PTPRM: variants seen among roughly 807,000 people sequenced by gnomAD.
The protein encoded by PTPRM is receptor-type tyrosine-protein phosphatase mu.
Under a neutral mutation model 186.7 loss-of-function variants are expected in PTPRM, and 47 were observed. That is an observed-to-expected ratio of 0.25 (90% CI 0.20 to 0.32). PTPRM has a LOEUF of 0.32. Ranked by LOEUF, PTPRM falls within the 10% of genes least tolerant of loss-of-function variation. The pLI, the probability that PTPRM is intolerant of heterozygous loss-of-function variation, is 1.00. For synonymous variants in PTPRM, 668 were observed against 674.9 expected, an observed-to-expected ratio of 0.99 and a Z score of 0.16; for missense variants, 1,494 against 1,865.0, an observed-to-expected ratio of 0.80 and a Z score of 3.66.
intron 15 of PTPRM, among the ~76,000 whole-genome samples, chr18:8,244,476 T>C (rs1486420471): frequency 6.6e-6 from 1 of 152,136 alleles, no homozygotes; most frequent in Non-Finnish European, 1.5e-5. Flanking sequence ...GCTTTCCTTC[T>C]TTTGAGGAAG....
Position 8,242,989 on chromosome 18 carries a change from G to A in PTPRM, c.2301-1069G>A, listed in dbSNP as rs142393753. Among the ~76,000 whole-genome samples the A allele has an allele frequency of 3.6e-3, 552 of 152,314 alleles. 3 individuals carry two copies. Among genetic ancestry groups the A allele is most frequent in the African/African-American group, 0.013 (525 of 41,572 alleles). The stretch of plus-strand genomic sequence containing the variant: ...AATATTTTAGGGCATAGTATATTTG[G>A]TATTATCGTGCTGTGGGTGTTCTTA... On this transcript the variant is annotated intron_variant, in intron 14 of 32. Transcript: ENST00000580170.
chr18:7,903,366 C>T (rs1026919951), intron 3 of PTPRM, among the ~76,000 whole-genome samples: 5 of 152,240 alleles, frequency 3.3e-5, no homozygotes, highest in Admixed American at 1.3e-4. Flanking sequence ...AGCCACCCCT[C>T]AGCTGTCCCT....
intron 14 of PTPRM, among the ~76,000 whole-genome samples, chr18:8,194,533 G>A (rs1046495290): frequency 6.6e-6 from 1 of 152,198 alleles, no homozygotes; most frequent in Non-Finnish European, 1.5e-5. Context: ...AAACAGGCAG[G>A]CCCCTTTATG....
chr18:7,842,780 C>T (rs1432400004), intron 2 of PTPRM, among the ~76,000 whole-genome samples: 1 of 150,802 alleles, frequency 6.6e-6, no homozygotes, highest in African/African-American at 2.4e-5. Context: ...ATCTCTCTCT[C>T]TGGCTTTCTG....
chr18:8,295,949 C>T lies in PTPRM; in HGVS notation c.2755-419C>T, dbSNP rs2095092604. Among the ~76,000 whole-genome samples, 4 of 152,126 alleles carry T rather than the reference C, an allele frequency of 2.6e-5. No individual in the cohort carries two copies. In the South Asian group the frequency reaches 8.3e-4, roughly 31 times the overall value. ...ACTCTCATGTTTTAACCAAAGATAACCTTTCTTCAATTAGCAATTAGGGAG... is the reference window on the plus strand; with the variant it reads ...ACTCTCATGTTTTAACCAAAGATAATCTTTCTTCAATTAGCAATTAGGGAG... On this transcript the variant is annotated intron_variant, in intron 19 of 32. Coordinates refer to ENST00000580170, the MANE Select transcript of PTPRM (RefSeq NM_001105244.2).
At chr18:8,177,461 T>G (rs547918035) in intron 14 of PTPRM, among the ~76,000 whole-genome samples, 2 of 152,250 alleles carry the variant, frequency 1.3e-5, no homozygotes, top group African/African-American at 4.8e-5. Flanking sequence ...GCTGGGCTGG[T>G]TACAGCAGTG....
intron 5 of PTPRM, among the ~76,000 whole-genome samples, chr18:7,928,091 G>A (rs1214083956): frequency 6.6e-6 from 1 of 152,108 alleles, no homozygotes; most frequent in African/African-American, 2.4e-5. Context: ...AGACATTTGA[G>A]TGTATGTCCC....
At chr18:8,038,570 T>TG (rs2086490947) in intron 7 of PTPRM, among the ~76,000 whole-genome samples, 1 of 152,144 alleles carries the variant, frequency 6.6e-6, no homozygotes, top group Non-Finnish European at 1.5e-5. Flanking sequence ...TTTTGTATTT[T>TG]TAGTAGAGAC....
intron 14 of PTPRM, among the ~76,000 whole-genome samples, chr18:8,177,494 T>C (rs1249704367): frequency 6.6e-6 from 1 of 152,232 alleles, no homozygotes; most frequent in African/African-American, 2.4e-5. Flanking sequence ...GAAAGTGATC[T>C]GATTAGTTGG....
chr18:7,753,300 G>A (rs1290225097), intron 1 of PTPRM, among the ~76,000 whole-genome samples: 1 of 151,952 alleles, frequency 6.6e-6, no homozygotes, highest in African/African-American at 2.4e-5. Flanking sequence ...TTGACTGAAA[G>A]TAAAGTCAGA....
At chr18:8,123,269 G>GC (rs892403766) in intron 13 of PTPRM, among the ~76,000 whole-genome samples, 56 of 152,296 alleles carry the variant, frequency 3.7e-4, no homozygotes, top group African/African-American at 1.3e-3. Context: ...CAAGTAAGAA[G>GC]CAGAAACTAC....
intron 7 of PTPRM, among the ~76,000 whole-genome samples, chr18:7,995,168 A>G (rs2083468510): frequency 6.6e-6 from 1 of 152,150 alleles, no homozygotes; most frequent in African/African-American, 2.4e-5. Flanking sequence ...AGAGACTATT[A>G]GGAACAACTA....
intron 7 of PTPRM, among the ~76,000 whole-genome samples, chr18:8,036,158 G>A (rs1317289206): frequency 1.3e-5 from 2 of 152,178 alleles, no homozygotes; most frequent in Non-Finnish European, 2.9e-5. Flanking sequence ...CTCCTCACAT[G>A]GCGTCGGGGT....
chr18:8,149,032 C>T (rs2092946009), intron 14 of PTPRM, among the ~76,000 whole-genome samples: 2 of 152,174 alleles, frequency 1.3e-5, no homozygotes, highest in South Asian at 4.2e-4. Context: ...GTTATGATTT[C>T]CTTTCTTTTG....
chr18:7,980,379 CT>C (rs201901992), intron 7 of PTPRM, among the ~76,000 whole-genome samples: 4 of 151,480 alleles, frequency 2.6e-5, no homozygotes, highest in Admixed American at 6.6e-5. Context: ...AGCCAGATAT[CT>C]TTTTTTTTAT....
chr18:8,068,694 T>C (rs1370372561), intron 7 of PTPRM, among the ~76,000 whole-genome samples: 1 of 152,250 alleles, frequency 6.6e-6, no homozygotes, highest in Non-Finnish European at 1.5e-5. Flanking sequence ...CAGAAGTTTA[T>C]GTTCTCTTAC....
At chr18:7,950,025 T>C (rs1257640260) in intron 6 of PTPRM, among the ~76,000 whole-genome samples, 5 of 152,168 alleles carry the variant, frequency 3.3e-5, no homozygotes, top group African/African-American at 7.2e-5. Flanking sequence ...AGGTGTACCA[T>C]GAGGCATTTT....
chr18:7,856,265 A>C (rs978373614), intron 2 of PTPRM, among the ~76,000 whole-genome samples: 2 of 152,306 alleles, frequency 1.3e-5, no homozygotes, highest in African/African-American at 4.8e-5. Context: ...TTGATTGCAA[A>C]GATTTATAAA....
chr18:8,208,571 G>A (rs2093960479), intron 14 of PTPRM, among the ~76,000 whole-genome samples: 1 of 151,896 alleles, frequency 6.6e-6, no homozygotes, highest in Non-Finnish European at 1.5e-5. Context: ...AAGTGCAGTG[G>A]CACCATCATA....
Sources: gnomAD v4.1 joint callset for allele counts (sites outside exome capture counted in the v4.1 genomes callset) on GRCh38, gnomAD v4.1.1 for gene constraint, MANE v1.5 for transcripts, NCBI Gene and HGNC (gene_info 2026-07-23, HGNC 2026-07-21) for gene names.